PAFAH1B2: variants seen among roughly 807,000 people sequenced by gnomAD.
The protein encoded by PAFAH1B2 is platelet-activating factor acetylhydrolase IB subunit alpha2.
A neutral mutation model predicts 28.0 loss-of-function variants in PAFAH1B2; 8 were observed. That is an observed-to-expected ratio of 0.29 (90% CI 0.17 to 0.52). PAFAH1B2 has a LOEUF of 0.52. Among genes scored for constraint, PAFAH1B2 ranks in the 20% least tolerant of loss-of-function variants. The pLI is 0.97. For synonymous variants in PAFAH1B2, 104 were observed against 103.2 expected, an observed-to-expected ratio of 1.01 and a Z score of -0.05; for missense variants, 190 against 282.6, an observed-to-expected ratio of 0.67 and a Z score of 2.35.
intron 1 of PAFAH1B2, among the ~76,000 whole-genome samples, chr11:117,146,264 T>C (rs1956005500): frequency 6.6e-6 from 1 of 151,978 alleles, no homozygotes; most frequent in Non-Finnish European, 1.5e-5. Flanking sequence ...TTTTGTATTT[T>C]TTTTTTTTAG....
chr11:117,174,372 C>T (rs1272581284), downstream of PAFAH1B2, among the ~76,000 whole-genome samples: 2 of 151,576 alleles, frequency 1.3e-5, no homozygotes, highest in Non-Finnish European at 2.9e-5. Flanking sequence ...TTATCAGAGA[C>T]GGGGTTTCAC....
intron 1 of PAFAH1B2, among the ~76,000 whole-genome samples, chr11:117,151,856 G>A (rs898026360): frequency 2.0e-5 from 3 of 151,918 alleles, no homozygotes; most frequent in African/African-American, 4.8e-5. Context: ...ACAGGCGCCC[G>A]CCACCTCACC....
chr11:117,161,060 A>G, intron 3 of PAFAH1B2, 85 bp from the exon 4 acceptor site: 1 of 841,576 alleles, frequency 1.2e-6, no homozygotes, highest in Non-Finnish European at 1.9e-6. Flanking sequence ...GAAAAAGGAA[A>G]TTAATGCCTT....
rs755901577 is a variant in PAFAH1B2 at position 117,170,465 on chromosome 11, C to T, written c.*2766C>T. On this transcript the variant is annotated 3_prime_UTR_variant, in exon 6 of 6. Coordinates refer to ENST00000527958, the MANE Select transcript of PAFAH1B2 (RefSeq NM_002572.4). ...ATCTAGGGCAGGCTGTCTTCCAGTC[C>T]ATGTGTTCTCGGTCGCCGTAGACAG... 4.7e-6 allele frequency: 5 copies of T among 1,059,670 alleles called. No homozygotes were observed. Among genetic ancestry groups the T allele is most frequent in the Non-Finnish European group, 5.7e-6 (5 of 876,382 alleles). 65.6% of individuals were successfully genotyped at this position (1,059,670 alleles called of 1,614,324 possible).
Position 117,168,446 on chromosome 11 carries a change from G to GTTTGGTGTTTTTTTT in PAFAH1B2, c.*750_*751insGGTGTTTTTTTTTTT. ...TCCCCTTCATTCCCCCCGCCACCCCGTTTTTTTTTTTTTTTTTTTTTTTTT... is the reference window on the plus strand; with the variant it reads ...TCCCCTTCATTCCCCCCGCCACCCCGTTTGGTGTTTTTTTTTTTTTTTTTTTTTTTTTTTTTTTTT... On this transcript the variant is annotated 3_prime_UTR_variant, in exon 6 of 6. Coordinates refer to ENST00000527958, the MANE Select transcript of PAFAH1B2 (RefSeq NM_002572.4). 1.3e-5 allele frequency: 3 copies of GTTTGGTGTTTTTTTT among 234,818 alleles called. No individual in the cohort carries two copies. Among genetic ancestry groups the GTTTGGTGTTTTTTTT allele is most frequent in the Non-Finnish European group, 1.0e-5 (2 of 200,706 alleles). The allele number at this position is 234,818 out of a possible 1,614,324, so 14.5% of individuals were successfully genotyped here.
intron 1 of PAFAH1B2, among the ~76,000 whole-genome samples, chr11:117,148,963 G>C (rs1298226075): frequency 6.6e-6 from 1 of 151,744 alleles, no homozygotes; most frequent in Non-Finnish European, 1.5e-5. Context: ...CACCTCCTGG[G>C]CTCGAGCGAT....
intron 2 of PAFAH1B2, among the ~76,000 whole-genome samples, chr11:117,155,203 C>T (rs1956232540): frequency 6.6e-6 from 1 of 151,768 alleles, no homozygotes; most frequent in African/African-American, 2.4e-5. Context: ...GATCCACGCA[C>T]CTTAGCCTCC....
intron 2 of PAFAH1B2, among the ~76,000 whole-genome samples, chr11:117,159,072 T>C (rs1185316212): frequency 6.6e-6 from 1 of 152,204 alleles, no homozygotes; most frequent in Non-Finnish European, 1.5e-5. Context: ...AAAGCAAACA[T>C]GGGAAAATAC....
At chr11:117,158,640 C>CTTTTTT (rs11327233) in intron 2 of PAFAH1B2, among the ~76,000 whole-genome samples, 2 of 81,840 alleles carry the variant, frequency 2.4e-5, no homozygotes, top group African/African-American at 9.4e-5. Context: ...AGTTTGTGGG[C>CTTTTTT]TTTTTTTTTT....
intron 4 of PAFAH1B2, among the ~76,000 whole-genome samples, chr11:117,162,261 A>G (rs1259245858): frequency 6.6e-6 from 1 of 152,110 alleles, no homozygotes. Context: ...AGCCTCCCAA[A>G]TAGCTAGGAC....
chr11:117,152,898 C>T (rs148836880), intron 2 of PAFAH1B2, among the ~76,000 whole-genome samples: 2 of 152,138 alleles, frequency 1.3e-5, no homozygotes, highest in Non-Finnish European at 2.9e-5. Context: ...TGGTGAAACC[C>T]GTCTCTACTA....
Position 117,160,041 on chromosome 11 carries a change from G to T in PAFAH1B2, c.171+18G>T. On this transcript the variant is annotated intron_variant, in intron 3 of 5. Transcript: ENST00000527958. ...AATATGAGGTAAAGGTGGAAGGGATGAGCGTGGTTCTTGGCTACTCATGTA... is the reference window on the plus strand; with the variant it reads ...AATATGAGGTAAAGGTGGAAGGGATTAGCGTGGTTCTTGGCTACTCATGTA... 2 of 1,568,496 alleles carry T rather than the reference G, an allele frequency of 1.3e-6. No homozygotes were observed. Among genetic ancestry groups the T allele is most frequent in the African/African-American group, 1.3e-5 (1 of 74,114 alleles).
chr11:117,144,595 C>T (rs1362633447), intron 1 of PAFAH1B2, among the ~76,000 whole-genome samples, 177 bp downstream of exon 1: 2 of 152,094 alleles, frequency 1.3e-5, no homozygotes, highest in Non-Finnish European at 2.9e-5. Flanking sequence ...CTCTGCGGGC[C>T]CAGCGTCGGC....
downstream of PAFAH1B2, among the ~76,000 whole-genome samples, chr11:117,174,644 A>G (rs951852188): frequency 3.9e-5 from 6 of 151,982 alleles, no homozygotes; most frequent in African/African-American, 1.5e-4. Flanking sequence ...ACGCCCGGCT[A>G]ATTTTGTATT....
chr11:117,147,174 G>C (rs1278709247), intron 1 of PAFAH1B2, among the ~76,000 whole-genome samples: 5 of 152,112 alleles, frequency 3.3e-5, no homozygotes, highest in Admixed American at 2.0e-4. Context: ...ATGCTGAGAC[G>C]GGAGAATTGC....
rs1955939986 is a variant in PAFAH1B2, at chr11:117,144,352, G to A, written c.-74G>A. The A allele has an allele frequency of 2.4e-6, 1 of 421,978 alleles. No homozygotes were observed. The highest frequency in any genetic ancestry group is 4.8e-6 in the Non-Finnish European group (1 of 207,772). The allele number at this position is 421,978 out of a possible 1,614,324, so 26.1% of individuals were successfully genotyped here. On this transcript the variant is annotated 5_prime_UTR_variant, in exon 1 of 6. Transcript: ENST00000527958. Reference sequence around the variant, plus strand: ...GCCGGAGCGGGACCGACGGGACCGAGCGAGCGACCGACGCGCCACCCGCCG... The same window carrying A: ...GCCGGAGCGGGACCGACGGGACCGAACGAGCGACCGACGCGCCACCCGCCG...
At position 117,170,888 on chromosome 11, in the gene PAFAH1B2, C is replaced by G. The variant is rs565199967; in HGVS notation, c.*3189C>G. On this transcript the variant is annotated 3_prime_UTR_variant, in exon 6 of 6. Transcript: ENST00000527958. ...AGGAGGCTTTTTGGAGAGGGGTCCC[C>G]CAGGTTTCTTGGTGTTCCTGCTTGG... is the stretch of plus-strand genomic sequence containing the variant. 1 of 1,060,492 alleles carries G rather than the reference C, an allele frequency of 9.4e-7. No individual in the cohort carries two copies. The highest frequency in any genetic ancestry group is 1.6e-5 in the African/African-American group (1 of 60,874). 65.7% of individuals were successfully genotyped at this position (1,060,492 alleles called of 1,614,324 possible). A position where few individuals can be genotyped will look rare whatever the true frequency, so the allele number is the denominator to read the frequency against.
At chr11:117,162,658 G>C (rs537305616) in intron 4 of PAFAH1B2, among the ~76,000 whole-genome samples, 16 of 151,564 alleles carry the variant, frequency 1.1e-4, no homozygotes, top group Non-Finnish European at 1.9e-4. Flanking sequence ...GGAAGCTGAG[G>C]CAGGAGAATC....
chr11:117,164,627 A>G (rs934557185), intron 5 of PAFAH1B2, among the ~76,000 whole-genome samples: 5 of 152,232 alleles, frequency 3.3e-5, no homozygotes, highest in Admixed American at 1.3e-4. Flanking sequence ...TTCATCAGCA[A>G]GAAAATGGAT....
Sources: gnomAD v4.1 joint callset for allele counts (sites outside exome capture counted in the v4.1 genomes callset) on GRCh38, gnomAD v4.1.1 for gene constraint, MANE v1.5 for transcripts, NCBI Gene and HGNC (gene_info 2026-07-23, HGNC 2026-07-21) for gene names.